The following KCNQ5 variants were observed in gnomAD, a reference collection of about 807,000 sequenced individuals.
KCNQ5 encodes potassium voltage-gated channel subfamily Q member 5.
Under a neutral mutation model 98.2 loss-of-function variants are expected in KCNQ5, and 30 were observed. That is an observed-to-expected ratio of 0.31 (90% CI 0.23 to 0.41). The LOEUF (loss-of-function observed/expected upper bound fraction) is 0.41. Among genes scored for constraint, KCNQ5 ranks in the 10% least tolerant of loss-of-function variants. The pLI is 1.00. For missense variants in KCNQ5, 835 were observed against 1,182.5 expected (o/e 0.71, Z 4.31); for synonymous variants, 458 against 449.4 (o/e 1.02, Z -0.24).
intron 11 of KCNQ5, among the ~76,000 whole-genome samples, chr6:73,188,534 G>C (rs1043704706): frequency 6.6e-6 from 1 of 151,788 alleles, no homozygotes; most frequent in Admixed American, 6.6e-5. Context: ...TATGACTCAG[G>C]TTAGAGATCT....
At chr6:73,177,690 C>A (rs1192483194) in intron 11 of KCNQ5, among the ~76,000 whole-genome samples, 4 of 152,184 alleles carry the variant, frequency 2.6e-5, no homozygotes, top group African/African-American at 9.7e-5. Flanking sequence ...GGCATCTCTG[C>A]TATTTTAGCA....
At chr6:73,057,039 T>G (rs528710589) in intron 3 of KCNQ5, among the ~76,000 whole-genome samples, 113 of 152,270 alleles carry the variant, frequency 7.4e-4, no homozygotes, top group African/African-American at 2.6e-3. Flanking sequence ...GTATGTTTAT[T>G]GCAGCACTAT....
chr6:72,869,283 G>A (rs559245752), intron 1 of KCNQ5, among the ~76,000 whole-genome samples: 9 of 152,268 alleles, frequency 5.9e-5, no homozygotes, highest in South Asian at 2.1e-4. Context: ...TTGTCAAACC[G>A]GAATTCCTTC....
At chr6:72,969,624 C>T (rs767555719) in intron 1 of KCNQ5, among the ~76,000 whole-genome samples, 1 of 152,152 alleles carries the variant, frequency 6.6e-6, no homozygotes, top group Non-Finnish European at 1.5e-5. Flanking sequence ...CTAGATACGA[C>T]TGGACAGATT....
intron 2 of KCNQ5, among the ~76,000 whole-genome samples, chr6:73,008,026 T>C (rs1158870850): frequency 6.6e-6 from 1 of 152,150 alleles, no homozygotes; most frequent in Non-Finnish European, 1.5e-5. Context: ...TAAACTGGTA[T>C]AAATTCAAAT....
chr6:73,175,395 C>G (rs948380443), intron 11 of KCNQ5, among the ~76,000 whole-genome samples: 8 of 107,006 alleles, frequency 7.5e-5, no homozygotes, highest in South Asian at 5.8e-4. Context: ...GGTGATCTGC[C>G]CCCCCCTTGG....
intron 1 of KCNQ5, among the ~76,000 whole-genome samples, chr6:72,897,133 G>A (rs540805818): frequency 6.6e-6 from 1 of 152,218 alleles, no homozygotes; most frequent in South Asian, 2.1e-4. Flanking sequence ...GGCATAGAAG[G>A]AGAAAGAAGG....
intron 1 of KCNQ5, among the ~76,000 whole-genome samples, chr6:72,743,879 C>T (rs759874154): frequency 1.0e-3 from 153 of 152,070 alleles, no homozygotes; most frequent in Admixed American, 2.1e-3. Context: ...GGTTTTGCTG[C>T]AGTAACATAA....
chr6:72,990,959 T>G (rs62412502), intron 1 of KCNQ5, among the ~76,000 whole-genome samples: 3,542 of 4,598 alleles, frequency 0.77, 1,463 homozygotes, highest in Non-Finnish European at 0.89. Flanking sequence ...CTGGATTACA[T>G]TTATTGATTT....
intron 7 of KCNQ5, among the ~76,000 whole-genome samples, chr6:73,112,357 T>G (rs1775278111): frequency 6.6e-6 from 1 of 151,692 alleles, no homozygotes; most frequent in South Asian, 2.1e-4. Flanking sequence ...TTTGTTTTTT[T>G]TTTTTTGAGA....
intron 1 of KCNQ5, among the ~76,000 whole-genome samples, chr6:72,769,825 A>C (rs968356392): frequency 6.6e-6 from 1 of 152,122 alleles, no homozygotes; most frequent in Non-Finnish European, 1.5e-5. Flanking sequence ...AAGATGGGGA[A>C]GTAGAATAAA....
intron 1 of KCNQ5, among the ~76,000 whole-genome samples, chr6:72,863,228 C>T (rs894645219): frequency 1.3e-5 from 2 of 152,190 alleles, no homozygotes; most frequent in Non-Finnish European, 2.9e-5. Context: ...CCTGCCCATA[C>T]TAAATAGCCA....
At chr6:72,689,230 C>T (rs540914649) in intron 1 of KCNQ5, among the ~76,000 whole-genome samples, 3 of 152,134 alleles carry the variant, frequency 2.0e-5, no homozygotes, top group South Asian at 2.1e-4. Flanking sequence ...GCGTCAATGG[C>T]GGAACAGAAT....
intron 1 of KCNQ5, among the ~76,000 whole-genome samples, chr6:72,639,161 A>G (rs190654025): frequency 6.6e-6 from 1 of 152,334 alleles, no homozygotes; most frequent in Admixed American, 6.5e-5. Flanking sequence ...AAAAAGATTT[A>G]GGGAATACTG....
intron 1 of KCNQ5, among the ~76,000 whole-genome samples, chr6:72,819,696 C>G (rs1226571980): frequency 6.6e-6 from 1 of 152,202 alleles, no homozygotes; most frequent in Non-Finnish European, 1.5e-5. Flanking sequence ...CCCAGGGGCT[C>G]TGGCCGACAG....
chr6:72,945,888 A>G (rs1453974581), intron 1 of KCNQ5, among the ~76,000 whole-genome samples: 1 of 152,234 alleles, frequency 6.6e-6, no homozygotes, highest in Non-Finnish European at 1.5e-5. Context: ...TTGACCGCTC[A>G]CAAATTTTAA....
chr6:72,779,842 T>C (rs1439697349), intron 1 of KCNQ5, among the ~76,000 whole-genome samples: 1 of 112,742 alleles, frequency 8.9e-6, no homozygotes, highest in East Asian at 2.2e-4. Context: ...TGTGTGTGTG[T>C]GTGTGTGTGT....
chr6:72,807,816 T>C (rs1775028207), intron 1 of KCNQ5, among the ~76,000 whole-genome samples: 1 of 152,066 alleles, frequency 6.6e-6, no homozygotes, highest in African/African-American at 2.4e-5. Context: ...AAAGAATAAA[T>C]AATAATCAAT....
intron 1 of KCNQ5, among the ~76,000 whole-genome samples, chr6:72,706,251 T>A (rs1769073767): frequency 1.3e-5 from 2 of 152,004 alleles, no homozygotes; most frequent in African/African-American, 4.8e-5. Flanking sequence ...GCAGAAACAT[T>A]AACATGCTTT....
Sources: allele counts gnomAD v4.1 joint callset (sites outside exome capture counted in the v4.1 genomes callset), GRCh38; gene constraint gnomAD v4.1.1; transcripts MANE v1.5; gene names NCBI Gene and HGNC (gene_info 2026-07-23, HGNC 2026-07-21).